The following CNTN6 variants were observed in gnomAD, a reference collection of about 807,000 sequenced individuals.
CNTN6 encodes the protein contactin 6, also known as contactin-6.
A neutral mutation model predicts 122.8 loss-of-function variants in CNTN6; 137 were observed. The observed-to-expected ratio is 1.12, with a 90% confidence interval of 0.97 to 1.29. CNTN6 has a LOEUF of 1.29. Ranked by LOEUF, CNTN6 falls within the 50% of genes most tolerant of loss-of-function variation. The pLI is 0.00. For synonymous variants in CNTN6, 570 were observed against 426.0 expected, an observed-to-expected ratio of 1.34 and a Z score of -4.16; for missense variants, 1,634 against 1,223.4, an observed-to-expected ratio of 1.34 and a Z score of -5.01.
chr3:1,399,095 G>A (rs1049086691), intron 20 of CNTN6, among the ~76,000 whole-genome samples: 2 of 151,984 alleles, frequency 1.3e-5, no homozygotes, highest in Non-Finnish European at 2.9e-5. Flanking sequence ...CAAAACATCC[G>A]GAAATACATA....
intron 5 of CNTN6, among the ~76,000 whole-genome samples, chr3:1,291,417 C>T (rs1026996897): frequency 6.6e-6 from 1 of 152,112 alleles, no homozygotes; most frequent in Non-Finnish European, 1.5e-5. Flanking sequence ...CCCAAGATTA[C>T]AGGTTGAAGA....
intron 5 of CNTN6, among the ~76,000 whole-genome samples, chr3:1,293,761 A>G (rs761609093): frequency 3.9e-5 from 6 of 152,078 alleles, no homozygotes; most frequent in Admixed American, 6.5e-5. Context: ...GAGTACCTAT[A>G]TACTCCACCT....
At chr3:1,159,463 A>G (rs2093070794) in intron 2 of CNTN6, among the ~76,000 whole-genome samples, 1 of 152,074 alleles carries the variant, frequency 6.6e-6, no homozygotes, top group African/African-American at 2.4e-5. Context: ...TTTATTTCCA[A>G]AATTTAGCGT....
chr3:1,198,001 C>G (rs1203838923), intron 2 of CNTN6, among the ~76,000 whole-genome samples: 2 of 152,108 alleles, frequency 1.3e-5, no homozygotes, highest in East Asian at 3.9e-4. Flanking sequence ...AAAGCAAAGA[C>G]AGACAAGCTT....
intron 1 of CNTN6, among the ~76,000 whole-genome samples, chr3:1,131,019 C>G (rs1366352080): frequency 1.3e-5 from 2 of 152,110 alleles, no homozygotes; most frequent in African/African-American, 4.8e-5. Context: ...AACTCTTTCT[C>G]ACAGCTATCA....
intron 2 of CNTN6, among the ~76,000 whole-genome samples, chr3:1,175,827 A>C (rs917557967): frequency 6.6e-6 from 1 of 151,912 alleles, no homozygotes; most frequent in African/African-American, 2.4e-5. Context: ...ATTTGAATAG[A>C]TTTAGGATGT....
chr3:1,240,790 T>C (rs572016890), intron 4 of CNTN6, among the ~76,000 whole-genome samples: 188 of 152,028 alleles, frequency 1.2e-3, no homozygotes, highest in Middle Eastern at 6.8e-3. Flanking sequence ...GTGAGCAACA[T>C]GGCTGTTTAT....
intron 1 of CNTN6, among the ~76,000 whole-genome samples, chr3:1,104,900 G>T (rs1441598045): frequency 6.6e-6 from 1 of 152,006 alleles, no homozygotes; most frequent in Non-Finnish European, 1.5e-5. Context: ...CACCAGATGG[G>T]TGTTCCCTTT....
At chr3:1,393,813 T>C (rs375828704) in intron 20 of CNTN6, among the ~76,000 whole-genome samples, 16 of 152,166 alleles carry the variant, frequency 1.1e-4, no homozygotes, top group African/African-American at 3.6e-4. Flanking sequence ...AAGAGAGAGA[T>C]ATATCCATAT....
intron 11 of CNTN6, among the ~76,000 whole-genome samples, chr3:1,341,338 C>T (rs1347387014): frequency 6.6e-6 from 1 of 152,082 alleles, no homozygotes; most frequent in East Asian, 1.9e-4. Flanking sequence ...TTTGTGTTTT[C>T]TCAGGCATCC....
At chr3:1,352,227 C>A in intron 11 of CNTN6, 97 bp from the exon 12 acceptor site, 1 of 1,089,470 alleles carries the variant, frequency 9.2e-7, no homozygotes, top group Non-Finnish European at 1.3e-6. Flanking sequence ...ATCACATACA[C>A]CCATGATTTT....
chr3:1,163,473 G>A (rs911455555), intron 2 of CNTN6, among the ~76,000 whole-genome samples: 17 of 152,260 alleles, frequency 1.1e-4, no homozygotes, highest in South Asian at 4.1e-4. Context: ...GTGCAGTGAC[G>A]CGATCATAGC....
At chr3:1,309,274 AT>A (rs1407475868) in intron 7 of CNTN6, among the ~76,000 whole-genome samples, 1 of 152,026 alleles carries the variant, frequency 6.6e-6, no homozygotes, top group African/African-American at 2.4e-5. Flanking sequence ...TATGTTTTGC[AT>A]TTTCATTGAT....
intron 12 of CNTN6, among the ~76,000 whole-genome samples, chr3:1,368,827 A>G (rs1241172172): frequency 6.6e-6 from 1 of 152,176 alleles, no homozygotes; most frequent in Admixed American, 6.5e-5. Context: ...GTTATAAATT[A>G]TTTTAAAGCG....
At chr3:1,247,593 C>T (rs557687373) in intron 4 of CNTN6, among the ~76,000 whole-genome samples, 1 of 152,030 alleles carries the variant, frequency 6.6e-6, no homozygotes, top group African/African-American at 2.4e-5. Context: ...AATTAGTGAC[C>T]AAGGCAAAGA....
chr3:1,180,939 C>T (rs1472037242), intron 2 of CNTN6, among the ~76,000 whole-genome samples: 1 of 152,174 alleles, frequency 6.6e-6, no homozygotes, highest in African/African-American at 2.4e-5. Context: ...GTTTCTTCCT[C>T]ACTTGTTCTT....
chr3:1,273,540 T>C (rs1469018741), intron 4 of CNTN6, among the ~76,000 whole-genome samples: 1 of 152,234 alleles, frequency 6.6e-6, no homozygotes, highest in Admixed American at 6.5e-5. Context: ...AAATACAGAT[T>C]GGATCTGTAC....
At chr3:1,206,044 A>C (rs1490423681) in intron 2 of CNTN6, among the ~76,000 whole-genome samples, 1 of 152,168 alleles carries the variant, frequency 6.6e-6, no homozygotes, top group African/African-American at 2.4e-5. Context: ...GTTAAGAGTC[A>C]TTGAAAGGCA....
intron 2 of CNTN6, among the ~76,000 whole-genome samples, chr3:1,192,195 A>G (rs551437246): frequency 1.3e-5 from 2 of 152,242 alleles, no homozygotes; most frequent in South Asian, 4.1e-4. Flanking sequence ...ACATGGCCAG[A>G]AAGCCTTCAT....
Sources: allele counts gnomAD v4.1 joint callset (sites outside exome capture counted in the v4.1 genomes callset), GRCh38; gene constraint gnomAD v4.1.1; transcripts MANE v1.5; gene names NCBI Gene and HGNC (gene_info 2026-07-23, HGNC 2026-07-21).